AUTS2: variants seen among roughly 807,000 people sequenced by gnomAD.
AUTS2 encodes the protein activator of transcription and developmental regulator AUTS2, also known as autism susceptibility gene 2 protein.
In AUTS2, 17 loss-of-function variants were observed where a neutral mutation model predicts 112.4. The ratio of observed to expected loss-of-function variants is 0.15; its 90% CI spans 0.10 to 0.23. The LOEUF (loss-of-function observed/expected upper bound fraction) is 0.23, where lower values mean the gene tolerates loss of function less well. Among genes scored for constraint, AUTS2 ranks in the 10% least tolerant of loss-of-function variants. The pLI is 1.00. For missense variants in AUTS2, 1,510 were observed against 1,701.6 expected, an observed-to-expected ratio of 0.89 and a Z score of 1.98; for synonymous variants, 751 against 702.7, an observed-to-expected ratio of 1.07 and a Z score of -1.09.
chr7:70,569,603 G>C (rs1801854360), intron 5 of AUTS2, among the ~76,000 whole-genome samples: 1 of 152,198 alleles, frequency 6.6e-6, no homozygotes. Flanking sequence ...GATCAGCCAT[G>C]CTGCTTTTAA....
At position 69,915,072 on chromosome 7, in the gene AUTS2, G is replaced by C. The variant is rs563994089; in HGVS notation, c.522+15574G>C. ...GTTTATGGCTTGCTAGATCCATTCT[G>C]ACCCACCTATTGTGAAGAGTTCATG... On this transcript the variant is annotated intron_variant, in intron 2 of 18. Coordinates refer to ENST00000342771, the MANE Select transcript of AUTS2 (RefSeq NM_015570.4). Among the ~76,000 whole-genome samples, 32 of 152,204 alleles carry C rather than the reference G, an allele frequency of 2.1e-4. 1 individual carries two copies. Among genetic ancestry groups the C allele is most frequent in the Admixed American group, 6.5e-5 (1 of 15,294 alleles).
chr7:69,654,459 C>T (rs181860243), intron 1 of AUTS2, among the ~76,000 whole-genome samples: 1 of 152,352 alleles, frequency 6.6e-6, no homozygotes, highest in Admixed American at 6.5e-5. Context: ...GTGACAAACA[C>T]TTCACACAGA....
chr7:69,840,320 C>G (rs548624925), intron 1 of AUTS2, among the ~76,000 whole-genome samples: 1 of 152,262 alleles, frequency 6.6e-6, no homozygotes, highest in East Asian at 1.9e-4. Context: ...AATTAAGATT[C>G]TCGTCAAGGC....
chr7:69,702,358 G>C (rs1324810845), intron 1 of AUTS2, among the ~76,000 whole-genome samples: 1 of 152,202 alleles, frequency 6.6e-6, no homozygotes, highest in African/African-American at 2.4e-5. Flanking sequence ...AAGGAGAAAA[G>C]GCAGAGGCAG....
chr7:70,003,993 TA>T (rs1679744423), intron 2 of AUTS2, among the ~76,000 whole-genome samples: 1 of 85,940 alleles, frequency 1.2e-5, no homozygotes, highest in South Asian at 3.8e-4. Context: ...TATATATGAA[TA>T]TATATATTAT....
rs575292279 is a variant in AUTS2, at chr7:70,370,767, GC to G, written c.661-64982del. ...TAATTGCCAGACCATTTGCTACAGT[GC>G]CCGCATTTTACATTTCCATCAGCAG... is the stretch of plus-strand genomic sequence containing the variant. On this transcript the variant is annotated intron_variant, in intron 4 of 18. Coordinates refer to ENST00000342771, the MANE Select transcript of AUTS2 (RefSeq NM_015570.4). 8.6e-5 allele frequency among the ~76,000 whole-genome samples: 13 copies of G among 152,034 alleles called. No individual in the cohort carries two copies. The South Asian group carries it at 2.7e-3, about 32-fold the overall frequency.
intron 4 of AUTS2, among the ~76,000 whole-genome samples, chr7:70,316,247 T>A (rs1789988879): frequency 6.6e-6 from 1 of 152,150 alleles, no homozygotes; most frequent in African/African-American, 2.4e-5. Context: ...CACCTGAGCC[T>A]ATGACAAGAG....
In AUTS2 at chr7:70,764,767, C is replaced by A. The variant is rs1388080776; in HGVS notation, c.1230C>A (p.Ser410Arg). Reference sequence around the variant, plus strand: ...GTTCCGATAGCAGCAGCAGAAGCAGCACTCCAGCGAAGACTCAGCCCGCCC... The same window carrying A: ...GTTCCGATAGCAGCAGCAGAAGCAGAACTCCAGCGAAGACTCAGCCCGCCC... ...SLNSLSSSRS[S>R]TPAKTQPAPP... is the part of the protein sequence containing the mutation. Residue 410 changes from serine (S) to arginine (R), a missense_variant, in exon 8 of 19, where the codon AGC (serine) becomes AGA (arginine). Transcript: ENST00000342771. The A allele has an allele frequency of 2.7e-6, 2 of 746,072 alleles. No individual in the cohort carries two copies. Among genetic ancestry groups the A allele is most frequent in the African/African-American group, 1.7e-5 (1 of 57,662 alleles). 46.2% of individuals were successfully genotyped at this position (746,072 alleles called of 1,614,324 possible).
chr7:70,688,683 A>G lies in AUTS2; in HGVS notation c.691-9886A>G, dbSNP rs547392109. Among the ~76,000 whole-genome samples the G allele has an allele frequency of 4.6e-5, 7 of 152,262 alleles. No individual in the cohort carries two copies. In the East Asian group the frequency reaches 1.4e-3, roughly 30 times the overall value. On this transcript the variant is annotated intron_variant, in intron 5 of 18. Coordinates refer to ENST00000342771, the MANE Select transcript of AUTS2 (RefSeq NM_015570.4). Reference sequence around the variant, plus strand: ...TCTCTACAAAATTAAAAATTAGCCCAGCGTGGTGGCGCATGCCCATAGTCC... The same window carrying G: ...TCTCTACAAAATTAAAAATTAGCCCGGCGTGGTGGCGCATGCCCATAGTCC...
At chr7:69,600,369 T>C (rs1228376076) in intron 1 of AUTS2, among the ~76,000 whole-genome samples, 1 of 151,738 alleles carries the variant, frequency 6.6e-6, no homozygotes, top group Non-Finnish European at 1.5e-5. Context: ...TTGGGGCGCC[T>C]GTGGACGGTT....
intron 1 of AUTS2, among the ~76,000 whole-genome samples, chr7:69,670,215 G>A (rs1375562810): frequency 6.6e-6 from 1 of 152,130 alleles, no homozygotes; most frequent in African/African-American, 2.4e-5. Context: ...TTCATGCACA[G>A]CATGAGCATG....
intron 1 of AUTS2, among the ~76,000 whole-genome samples, chr7:69,892,936 T>C (rs989993613): frequency 3.3e-5 from 5 of 152,260 alleles, no homozygotes; most frequent in African/African-American, 4.8e-5. Flanking sequence ...TCCTTTGATC[T>C]GTTTTTCTAT....
Position 70,617,142 on chromosome 7 carries a change from A to G in AUTS2, c.691-81427A>G, listed in dbSNP as rs148365018. 4.7e-3 allele frequency among the ~76,000 whole-genome samples: 721 copies of G among 152,266 alleles called. 7 individuals carry two copies. The highest frequency in any genetic ancestry group is 0.016 in the African/African-American group (677 of 41,546). ...TGGGGTAAGGGCCATTGTCTTCAAG[A>G]CTTTCTTGGCCTTTCCCTCATGAGA... On this transcript the variant is annotated intron_variant, in intron 5 of 18. Transcript: ENST00000342771.
chr7:70,354,497 A>G (rs761188376), intron 4 of AUTS2, among the ~76,000 whole-genome samples: 8 of 152,310 alleles, frequency 5.3e-5, no homozygotes, highest in Admixed American at 1.3e-4. Context: ...CCTCTCAACA[A>G]TCCTGTGAGG....
intron 5 of AUTS2, among the ~76,000 whole-genome samples, chr7:70,476,477 G>A (rs969427851): frequency 9.9e-5 from 15 of 152,230 alleles, no homozygotes; most frequent in African/African-American, 3.4e-4. Flanking sequence ...ACACCTTGGT[G>A]TCTGAATGAG....
intron 1 of AUTS2, among the ~76,000 whole-genome samples, chr7:69,736,452 A>G (rs1787035527): frequency 6.6e-6 from 1 of 152,184 alleles, no homozygotes; most frequent in Non-Finnish European, 1.5e-5. Flanking sequence ...GGCCTAGATT[A>G]ATTGGGATAT....
At chr7:70,135,860 G>A (rs1210728915) in intron 4 of AUTS2, among the ~76,000 whole-genome samples, 1 of 152,156 alleles carries the variant, frequency 6.6e-6, no homozygotes, top group Non-Finnish European at 1.5e-5. Flanking sequence ...ACACCAGGCT[G>A]GATGTAGGTT....
intron 4 of AUTS2, among the ~76,000 whole-genome samples, chr7:70,389,503 G>T (rs1372792692): frequency 6.6e-6 from 1 of 152,184 alleles, no homozygotes; most frequent in Non-Finnish European, 1.5e-5. Flanking sequence ...TTGGAAGGAG[G>T]TGGGTGACTC....
At chr7:70,182,993 G>A (rs1295772398) in intron 4 of AUTS2, among the ~76,000 whole-genome samples, 1 of 152,144 alleles carries the variant, frequency 6.6e-6, no homozygotes, top group Admixed American at 6.6e-5. Context: ...GGGGAAGCCC[G>A]AGTCCACTGT....
Sources: allele counts gnomAD v4.1 joint callset (sites outside exome capture counted in the v4.1 genomes callset), GRCh38; gene constraint gnomAD v4.1.1; transcripts MANE v1.5; gene names NCBI Gene and HGNC (gene_info 2026-07-23, HGNC 2026-07-21).